SYNDIG1L: variants seen among roughly 807,000 people sequenced by gnomAD.
SYNDIG1L encodes synapse differentiation inducing 1 like.
A neutral mutation model predicts 20.1 loss-of-function variants in SYNDIG1L; 13 were observed. The ratio of observed to expected loss-of-function variants is 0.65; its 90% CI spans 0.42 to 1.03. The LOEUF (loss-of-function observed/expected upper bound fraction) is 1.03. Ranked by LOEUF, SYNDIG1L falls within the 50% of genes least tolerant of loss-of-function variation. SYNDIG1L has a pLI of 0.00. For missense variants in SYNDIG1L, 294 were observed against 305.1 expected, an observed-to-expected ratio of 0.96 and a Z score of 0.27; for synonymous variants, 128 against 129.3, an observed-to-expected ratio of 0.99 and a Z score of 0.07.
At position 74,407,980 on chromosome 14, in the gene SYNDIG1L, T is replaced by A. The variant is rs1418561472; in HGVS notation, c.427A>T (p.Thr143Ser). The part of the protein sequence containing the change: ...DDQEEEESDA[T>S]STESESEDNF... ...TCTTCACTTTCACTCTCCGTTGAAG[T>A]GGCATCGCTCTGCAAAACAGTGGAG... Residue 143 changes from threonine to serine, a missense_variant, in exon 3 of 4, where the codon ACT becomes TCT. Physicochemically the swap from Thr to Ser is moderately conservative, Grantham distance 58. Transcript: ENST00000331628. 6.2e-7 allele frequency: 1 copy of A among 1,610,370 alleles called. No homozygotes were observed. The highest frequency in any genetic ancestry group is 8.5e-7 in the Non-Finnish European group (1 of 1,178,108).
chr14:74,417,673 G>A (rs6574178), intron 1 of SYNDIG1L, among the ~76,000 whole-genome samples: 76,581 of 152,024 alleles, frequency 0.5, 19,441 homozygotes, highest in South Asian at 0.57. Flanking sequence ...GTTTGATTTA[G>A]TCTAAAGCCT....
the SYNDIG1L span, among the ~76,000 whole-genome samples, chr14:74,434,139 G>T: frequency 6.6e-6 from 1 of 152,232 alleles, no homozygotes; most frequent in Admixed American, 6.5e-5. Flanking sequence ...GTTGTCCCTT[G>T]ATGGAGGTAA....
the SYNDIG1L span, among the ~76,000 whole-genome samples, chr14:74,475,824 T>C: frequency 6.6e-6 from 1 of 152,158 alleles, no homozygotes; most frequent in Non-Finnish European, 1.5e-5. Flanking sequence ...GCCCTCACAA[T>C]ATGAGTAACT....
At chr14:74,449,182 A>G in the SYNDIG1L span, among the ~76,000 whole-genome samples, 2 of 151,916 alleles carry the variant, frequency 1.3e-5, no homozygotes, top group East Asian at 3.9e-4. Context: ...GCAGGGAGTC[A>G]AGATCACGCC....
intron 2 of SYNDIG1L, 33 bp from the exon 3 acceptor site, chr14:74,408,022 A>G (rs2086098681): frequency 3.1e-6 from 5 of 1,588,050 alleles, no homozygotes; most frequent in Non-Finnish European, 4.3e-6. Flanking sequence ...GACCAGGCCC[A>G]GGATCAGCCC....
chr14:74,439,916 T>C, the SYNDIG1L span, among the ~76,000 whole-genome samples: 2 of 151,922 alleles, frequency 1.3e-5, no homozygotes, highest in Non-Finnish European at 2.9e-5. Flanking sequence ...TAATAATTGC[T>C]TATGAAGTGG....
the SYNDIG1L span, chr14:74,476,544 G>C: frequency 6.5e-7 from 1 of 1,535,674 alleles, no homozygotes; most frequent in Non-Finnish European, 8.7e-7. Flanking sequence ...AAACACCTGT[G>C]CTCTGTGGCT....
the SYNDIG1L span, among the ~76,000 whole-genome samples, chr14:74,455,823 C>T: frequency 6.6e-6 from 1 of 152,192 alleles, no homozygotes; most frequent in Non-Finnish European, 1.5e-5. Flanking sequence ...GCAGTTCTGA[C>T]CCCGCTTCTG....
chr14:74,466,703 G>A, the SYNDIG1L span, among the ~76,000 whole-genome samples: 1 of 152,150 alleles, frequency 6.6e-6, no homozygotes. Flanking sequence ...CTGCTCATTG[G>A]TATCAACCCT....
upstream of SYNDIG1L, among the ~76,000 whole-genome samples, chr14:74,430,021 T>G (rs1038280993): frequency 2.6e-5 from 4 of 152,242 alleles, no homozygotes; most frequent in African/African-American, 9.6e-5. Flanking sequence ...ACACACTGAT[T>G]CATGCCCAGG....
chr14:74,408,058 T>A, intron 2 of SYNDIG1L, 69 bp from the exon 3 acceptor site: 2 of 1,515,444 alleles, frequency 1.3e-6, no homozygotes, highest in Non-Finnish European at 1.8e-6. Context: ...GCAAGAGGTT[T>A]TTTAAAAGGC....
At chr14:74,452,847 A>G in the SYNDIG1L span, among the ~76,000 whole-genome samples, 1,506 of 152,340 alleles carry the variant, frequency 9.9e-3, 27 homozygotes, top group African/African-American at 0.034. Context: ...TCATCAATTG[A>G]TAGATGGGTG....
chr14:74,420,522 C>T (rs1193642812), intron 1 of SYNDIG1L, among the ~76,000 whole-genome samples: 1 of 151,618 alleles, frequency 6.6e-6, no homozygotes, highest in Non-Finnish European at 1.5e-5. Context: ...CTGTGGGTCA[C>T]TAGAAGTGAG....
chr14:74,415,021 A>G (rs1000289471), intron 1 of SYNDIG1L, among the ~76,000 whole-genome samples: 1 of 152,162 alleles, frequency 6.6e-6, no homozygotes, highest in African/African-American at 2.4e-5. Context: ...CCTGATTCCT[A>G]AGGGGCAGCT....
the SYNDIG1L span, among the ~76,000 whole-genome samples, chr14:74,436,430 G>A: frequency 5.3e-5 from 8 of 151,954 alleles, no homozygotes; most frequent in East Asian, 1.6e-3. Context: ...GTAGGGACAG[G>A]GTCTCACTTT....
chr14:74,451,860 C>T, the SYNDIG1L span, among the ~76,000 whole-genome samples: 1 of 151,572 alleles, frequency 6.6e-6, no homozygotes. Context: ...TGTGGTGGCA[C>T]GCGTCTATAG....
chr14:74,447,543 C>T, the SYNDIG1L span, among the ~76,000 whole-genome samples: 51 of 150,228 alleles, frequency 3.4e-4, no homozygotes, highest in African/African-American at 1.1e-3. Flanking sequence ...GCCAAGATTG[C>T]ACCACTTCAC....
upstream of SYNDIG1L, among the ~76,000 whole-genome samples, chr14:74,431,125 T>C (rs1240413277): frequency 6.6e-6 from 1 of 152,124 alleles, no homozygotes; most frequent in Admixed American, 6.6e-5. Context: ...ACTGGGACAA[T>C]GCAGAGTGGG....
chr14:74,414,876 G>A lies in SYNDIG1L; in HGVS notation c.-57-5075C>T, dbSNP rs963045911. On this transcript the variant is annotated intron_variant, in intron 1 of 3. Transcript: ENST00000331628. The stretch of plus-strand genomic sequence containing the variant: ...CAGCTAGAAAAGTGGTGTGTGGTGG[G>A]TGGGTAATATGAAGGCTTCAAGGAA... Among the ~76,000 whole-genome samples the A allele has an allele frequency of 1.4e-4, 22 of 152,276 alleles. 3 individuals carry two copies. The highest frequency in any genetic ancestry group is 1.3e-3 in the Admixed American group (20 of 15,296).
Sources: allele counts gnomAD v4.1 joint callset (sites outside exome capture counted in the v4.1 genomes callset), GRCh38; gene constraint gnomAD v4.1.1; transcripts MANE v1.5; gene names NCBI Gene and HGNC (gene_info 2026-07-23, HGNC 2026-07-21).